The following ITIH5 variants were observed in gnomAD, a reference collection of about 807,000 sequenced individuals.
ITIH5 encodes the protein inter-alpha-trypsin inhibitor heavy chain H5.
Under a neutral mutation model 77.5 loss-of-function variants are expected in ITIH5, and 65 were observed. The observed-to-expected ratio is 0.84, with a 90% confidence interval of 0.69 to 1.03. ITIH5 has a LOEUF of 1.03. ITIH5 is among the 50% of genes least tolerant of loss of function. The pLI, the probability that ITIH5 is intolerant of heterozygous loss-of-function variation, is 0.00. For missense variants in ITIH5, 1,208 were observed against 1,213.1 expected (o/e 1.00, Z 0.06); for synonymous variants, 525 against 494.3 (o/e 1.06, Z -0.82).
At chr10:7,633,223 T>G (rs536887072) in intron 5 of ITIH5, among the ~76,000 whole-genome samples, 17 of 152,348 alleles carry the variant, frequency 1.1e-4, no homozygotes, top group African/African-American at 4.1e-4. Flanking sequence ...GTATACCAAT[T>G]TGTAATGCTT....
intron 12 of ITIH5, among the ~76,000 whole-genome samples, chr10:7,568,404 T>C (rs1832229969): frequency 6.6e-6 from 1 of 152,066 alleles, no homozygotes. Context: ...TCAGGCTGAG[T>C]TCCCACCACG....
chr10:7,592,669 C>T (rs1350582040), intron 7 of ITIH5, among the ~76,000 whole-genome samples: 28 of 152,194 alleles, frequency 1.8e-4, no homozygotes, highest in Admixed American at 1.8e-3. Context: ...AGACAAGCTG[C>T]AGTGATGATC....
intron 5 of ITIH5, among the ~76,000 whole-genome samples, chr10:7,636,322 T>A (rs763282759): frequency 6.6e-6 from 1 of 152,236 alleles, no homozygotes; most frequent in Non-Finnish European, 1.5e-5. Flanking sequence ...GCCTGTATCT[T>A]ACATCTATAC....
At chr10:7,602,519 C>T (rs1217118800) in intron 7 of ITIH5, among the ~76,000 whole-genome samples, 1 of 152,148 alleles carries the variant, frequency 6.6e-6, no homozygotes, top group African/African-American at 2.4e-5. Flanking sequence ...TTTTAAGCAT[C>T]TGGCATTTCC....
chr10:7,585,855 ATTATTTC>A (rs780807660), intron 8 of ITIH5, 39 bp downstream of exon 8: 2 of 1,501,644 alleles, frequency 1.3e-6, no homozygotes, highest in East Asian at 2.3e-5. Flanking sequence ...AAAAAAAAAC[ATTATTTC>A]AAAGCCAAGC....
intron 12 of ITIH5, 80 bp downstream of exon 12, chr10:7,569,588 G>T: frequency 2.3e-6 from 2 of 871,508 alleles, no homozygotes; most frequent in Non-Finnish European, 3.6e-6. Flanking sequence ...TGGATCACTG[G>T]ACATCCATCT....
chr10:7,660,304 C>A (rs1235016318), intron 1 of ITIH5, among the ~76,000 whole-genome samples: 1 of 152,172 alleles, frequency 6.6e-6, no homozygotes, highest in African/African-American at 2.4e-5. Flanking sequence ...GAAGACAGGG[C>A]TGCAGCTTAG....
intron 5 of ITIH5, among the ~76,000 whole-genome samples, chr10:7,627,873 G>T: frequency 9.1e-6 from 1 of 109,754 alleles, no homozygotes; most frequent in Admixed American, 1.5e-4. Flanking sequence ...GAGTCTTGCT[G>T]CTCTGTCTCC....
chr10:7,613,013 G>A (rs779460608), intron 7 of ITIH5, among the ~76,000 whole-genome samples: 1 of 152,196 alleles, frequency 6.6e-6, no homozygotes, highest in Admixed American at 6.5e-5. Context: ...GGAAAGCTGA[G>A]GTGGGCAGAT....
intron 7 of ITIH5, among the ~76,000 whole-genome samples, chr10:7,602,239 G>A (rs1162005479): frequency 6.6e-6 from 1 of 152,104 alleles, no homozygotes. Context: ...TACCACATCT[G>A]TTTTGGGGTC....
chr10:7,572,214 G>A (rs1289430861), intron 11 of ITIH5: 2 of 1,246,974 alleles, frequency 1.6e-6, no homozygotes, highest in East Asian at 5.3e-5. Context: ...TTAGGAACTT[G>A]CACGTACAGC....
intron 7 of ITIH5, among the ~76,000 whole-genome samples, chr10:7,606,375 C>T (rs1304335193): frequency 2.0e-5 from 3 of 151,988 alleles, no homozygotes; most frequent in Non-Finnish European, 2.9e-5. Flanking sequence ...GTGGTGGACT[C>T]GATAAAGAAA....
chr10:7,581,756 C>G lies in ITIH5; in HGVS notation c.1109-1692G>C, dbSNP rs374766482. 2.2e-4 allele frequency among the ~76,000 whole-genome samples: 25 copies of G among 116,010 alleles called. No homozygotes were observed. The East Asian group carries it at 2.8e-3, about 13-fold the overall frequency. The allele number at this position is 116,010 out of a possible 152,430, so 76.1% of individuals were successfully genotyped here. A position where few individuals can be genotyped will look rare whatever the true frequency, so the allele number is the denominator to read the frequency against. On this transcript the variant is annotated intron_variant, in intron 8 of 13. Transcript: ENST00000397146. ...TTTTTTTTTTTTTTAGAGACAGGGT[C>G]TCACTATGTTGCCCAGGCTGGTCTC...
At chr10:7,593,322 G>A (rs1054132875) in intron 7 of ITIH5, among the ~76,000 whole-genome samples, 1 of 151,884 alleles carries the variant, frequency 6.6e-6, no homozygotes, top group Non-Finnish European at 1.5e-5. Context: ...TTCCAGAGGG[G>A]GCAGGCACTG....
Position 7,561,390 on chromosome 10 carries a change from C to G in ITIH5, c.*1693G>C, listed in dbSNP as rs972785979. The G allele has an allele frequency of 1.3e-5, 2 of 152,458 alleles. No individual in the cohort carries two copies. Among genetic ancestry groups the G allele is most frequent in the African/African-American group, 4.8e-5 (2 of 41,588 alleles). The allele number at this position is 152,458 out of a possible 1,614,324, so 9.4% of individuals were successfully genotyped here. A position where few individuals can be genotyped will look rare whatever the true frequency, so the allele number is the denominator to read the frequency against. Reference sequence around the variant, plus strand: ...TACATAATAGGAAGGCCCCGGGGAGCCTGGCCAGCTCCCTGGCTACCTCTA... The same window carrying G: ...TACATAATAGGAAGGCCCCGGGGAGGCTGGCCAGCTCCCTGGCTACCTCTA... On this transcript the variant is annotated 3_prime_UTR_variant, in exon 14 of 14. Coordinates refer to ENST00000397146, the MANE Select transcript of ITIH5 (RefSeq NM_030569.7).
At chr10:7,640,193 T>G (rs1229253252) in intron 4 of ITIH5, among the ~76,000 whole-genome samples, 1 of 145,226 alleles carries the variant, frequency 6.9e-6, no homozygotes, top group Non-Finnish European at 1.5e-5. Flanking sequence ...CCAGGCATAG[T>G]GGCTCACACC....
At chr10:7,614,571 A>G (rs1481166549) in intron 7 of ITIH5, among the ~76,000 whole-genome samples, 1 of 152,110 alleles carries the variant, frequency 6.6e-6, no homozygotes, top group Non-Finnish European at 1.5e-5. Flanking sequence ...TGGCCCAGGG[A>G]AGCCAAAAGA....
At position 7,585,825 on chromosome 10, in the gene ITIH5, C is replaced by CAAA. The variant is rs878937206; in HGVS notation, c.1108+73_1108+75dup. 1,304 of 860,948 alleles carry CAAA rather than the reference C, an allele frequency of 1.5e-3. 9 individuals carry two copies. In the African/African-American group the frequency reaches 0.032, roughly 21 times the overall value. The allele number at this position is 860,948 out of a possible 1,614,324, so 53.3% of individuals were successfully genotyped here. A position where few individuals can be genotyped will look rare whatever the true frequency, so the allele number is the denominator to read the frequency against. ...CAGCTTTCAAATCCTTATCTCTTGG[C>CAAA]AAAAAAAAAAAAAAACCAAAAAAAA... is the stretch of plus-strand genomic sequence containing the variant. On this transcript the variant is annotated intron_variant, in intron 8 of 13. Transcript: ENST00000397146.
chr10:7,564,887 C>CACAT (rs1178334717), intron 13 of ITIH5, among the ~76,000 whole-genome samples: 1 of 133,048 alleles, frequency 7.5e-6, no homozygotes, highest in African/African-American at 2.8e-5. Context: ...TATACACACA[C>CACAT]ACATACATAC....
Sources: allele counts gnomAD v4.1 joint callset (sites outside exome capture counted in the v4.1 genomes callset), GRCh38; gene constraint gnomAD v4.1.1; transcripts MANE v1.5; gene names NCBI Gene and HGNC (gene_info 2026-07-23, HGNC 2026-07-21).